OSGEP: variants seen among roughly 807,000 people sequenced by gnomAD.
OSGEP encodes the protein O-sialoglycoprotein endopeptidase, also known as tRNA N6-adenosine threonylcarbamoyltransferase.
Under a neutral mutation model 44.1 loss-of-function variants are expected in OSGEP, and 39 were observed. That is an observed-to-expected ratio of 0.88 (90% CI 0.69 to 1.16). The LOEUF (loss-of-function observed/expected upper bound fraction) is 1.16. Ranked by LOEUF, OSGEP falls within the 50% of genes most tolerant of loss-of-function variation. The pLI, the probability that OSGEP is intolerant of heterozygous loss-of-function variation, is 0.00. For missense variants in OSGEP, 403 were observed against 443.1 expected (o/e 0.91, Z 0.81); for synonymous variants, 139 against 161.9 (o/e 0.86, Z 1.07).
Position 20,452,267 on chromosome 14 carries a change from T to C in OSGEP, c.235+62A>G. 5 of 1,603,614 alleles carry C rather than the reference T, an allele frequency of 3.1e-6. No individual in the cohort carries two copies. In the South Asian group the frequency reaches 4.4e-5, roughly 14 times the overall value. On this transcript the variant is annotated intron_variant, in intron 2 of 10. Coordinates refer to ENST00000206542, the MANE Select transcript of OSGEP (RefSeq NM_017807.4). The stretch of plus-strand genomic sequence containing the variant: ...ATGGTGGCAGAGGTAAGGTGTTGGC[T>C]ATTTTGACCTAGCCAGGTTGCAGGT...
chr14:20,451,284 TTTAG>T (rs1249090385), intron 3 of OSGEP: 17 of 286,246 alleles, frequency 5.9e-5, no homozygotes, highest in Non-Finnish European at 7.4e-5. Context: ...GGTAGTGTCC[TTTAG>T]TTGTTTTTTT....
At chr14:20,454,156 G>C (rs1242837649) in intron 1 of OSGEP, among the ~76,000 whole-genome samples, 1 of 151,316 alleles carries the variant, frequency 6.6e-6, no homozygotes, top group Non-Finnish European at 1.5e-5. Context: ...ACTCATCCTA[G>C]AATATTTCAA....
rs144283848 is a variant in OSGEP, at chr14:20,448,353, C to T, written c.637-182G>A. ...GAATGAGCAGCTTTCATTTAAGATG[C>T]AATCATTACTTTTTGAATACTTGTC... On this transcript the variant is annotated intron_variant, in intron 6 of 10. Coordinates refer to ENST00000206542, the MANE Select transcript of OSGEP (RefSeq NM_017807.4). Among the ~76,000 whole-genome samples, 1,138 of 152,298 alleles carry T rather than the reference C, an allele frequency of 7.5e-3. 11 individuals are homozygous for T. The highest frequency in any genetic ancestry group is 0.026 in the African/African-American group (1,080 of 41,562).
In OSGEP at chr14:20,449,156, GC is replaced by G. The variant is rs762482200; in HGVS notation, c.507+14del. On this transcript the variant is annotated intron_variant, in intron 4 of 10. Transcript: ENST00000206542. Reference sequence around the variant, plus strand: ...TCACCCACATTTTATGTTCTCTGCAGCCCCACTGGCTTACCTTCAGCACTCG... The same window carrying G: ...TCACCCACATTTTATGTTCTCTGCAGCCCACTGGCTTACCTTCAGCACTCG... 2 of 1,580,626 alleles carry G rather than the reference GC, an allele frequency of 1.3e-6. No individual in the cohort carries two copies. Among genetic ancestry groups the G allele is most frequent in the Non-Finnish European group, 1.7e-6 (2 of 1,149,394 alleles).
intron 1 of OSGEP, 23 bp downstream of exon 1, chr14:20,454,544 ACT>A: frequency 6.6e-7 from 1 of 1,509,754 alleles, no homozygotes; most frequent in Non-Finnish European, 9.2e-7. Context: ...TGCGCGGAAA[ACT>A]CTTAAGTCCC....
At chr14:20,448,196 G>C (rs1881008610) in intron 6 of OSGEP, 25 bp from the exon 7 acceptor site, 6 of 1,596,576 alleles carry the variant, frequency 3.8e-6, no homozygotes, top group South Asian at 2.2e-5. Flanking sequence ...AAAAACAAAA[G>C]AATCAACAAA....
chr14:20,449,195 C>T lies in OSGEP; in HGVS notation c.483G>A (p.Leu161=). Residue 161 remains leucine, a synonymous_variant, in exon 4 of 11, where the codon CTG becomes CTA. Transcript: ENST00000206542. ...ETIDIAVGNC[L]DRFARVLKIS... is the part of the protein sequence containing the mutation. ...CCTTCAGCACTCGAGCAAAACGATC[C>T]AGACAATTACCCACTGCAATATCGA... is the stretch of plus-strand genomic sequence containing the variant. The T allele has an allele frequency of 6.2e-7, 1 of 1,612,876 alleles. No individual in the cohort carries two copies. The highest frequency in any genetic ancestry group is 8.5e-7 in the Non-Finnish European group (1 of 1,178,864).
Position 20,447,117 on chromosome 14 carries a change from C to A in OSGEP, c.*123G>T. On this transcript the variant is annotated 3_prime_UTR_variant, in exon 11 of 11. Transcript: ENST00000206542. ...AGTCATCCTGGGGTTCCATAAAGGA[C>A]CCCAAGCCTTGCTTGGAGTCTATAG... 1 of 832,078 alleles carries A rather than the reference C, an allele frequency of 1.2e-6. No homozygotes were observed. The highest frequency in any genetic ancestry group is 2.0e-6 in the Non-Finnish European group (1 of 496,770). 51.5% of individuals were successfully genotyped at this position (832,078 alleles called of 1,614,324 possible).
rs370582130 is a variant in OSGEP at position 20,447,637 on chromosome 14, G to A, written c.847C>T (p.Arg283Trp). 18 of 1,613,868 alleles carry A rather than the reference G, an allele frequency of 1.1e-5. No individual in the cohort carries two copies. The highest frequency in any genetic ancestry group is 1.6e-4 in the Middle Eastern group (1 of 6,082). Reference protein sequence around the residue: ...MATMCQERGARLFATDERFCI... With the variant: ...MATMCQERGAWLFATDERFCI... ...TACCTCTCATCTGTAGCAAAAAGCCGGGCTCCACGTTCCTGGCACATTGTT... is the reference window on the plus strand; with the variant it reads ...TACCTCTCATCTGTAGCAAAAAGCCAGGCTCCACGTTCCTGGCACATTGTT... Residue 283 changes from arginine to tryptophan, a missense_variant, in exon 9 of 11, where the codon CGG (arginine) becomes TGG (tryptophan). Coordinates refer to ENST00000206542, the MANE Select transcript of OSGEP (RefSeq NM_017807.4).
Position 20,448,809 on chromosome 14 carries a change from C to A in OSGEP, c.560G>T (p.Gly187Val), listed in dbSNP as rs1417690595. The A allele has an allele frequency of 6.2e-7, 1 of 1,611,858 alleles. No individual in the cohort carries two copies. The highest frequency in any genetic ancestry group is 1.3e-5 in the African/African-American group (1 of 75,000). ...GTATGGCAGCTCAACTAGCTTCTTG[C>A]CTCTATGTGGGAATAAGCGTACGAG... is the stretch of plus-strand genomic sequence containing the variant. ...GYNIEQMAKRGKKLVELPYTV... is the reference protein window; with the variant it reads ...GYNIEQMAKRVKKLVELPYTV... Residue 187 changes from glycine (G) to valine (V), a missense_variant and splice_region_variant, in exon 6 of 11, where the codon GGC becomes GTC. Transcript: ENST00000206542.
At chr14:20,448,019 A>C (rs750027004) in intron 7 of OSGEP, 25 bp from the exon 8 acceptor site, 5 of 1,598,488 alleles carry the variant, frequency 3.1e-6, no homozygotes, top group Non-Finnish European at 4.3e-6. Context: ...TAAGGAGAAA[A>C]TATTAGAGGG....
At chr14:20,454,012 C>CT (rs1001209361) in intron 1 of OSGEP, among the ~76,000 whole-genome samples, 2 of 151,948 alleles carry the variant, frequency 1.3e-5, no homozygotes, top group African/African-American at 4.8e-5. Context: ...GAGCAAGACT[C>CT]TGTCTCAAAA....
rs5807036 is a variant in OSGEP at position 20,446,943 on chromosome 14, TAAA to T, written c.*294_*296del. On this transcript the variant is annotated 3_prime_UTR_variant, in exon 11 of 11. Transcript: ENST00000206542. ...GGAAACACAGCAAGATTCCGTTTCT[TAAA>T]AAAAAAAAAAAAGATACCTCATTCT... 3.6e-3 allele frequency: 1,067 copies of T among 292,524 alleles called. No homozygotes were observed. The highest frequency in any genetic ancestry group is 4.5e-3 in the South Asian group (51 of 11,310). 18.1% of individuals were successfully genotyped at this position (292,524 alleles called of 1,614,324 possible).
chr14:20,447,271 G>C lies in OSGEP; in HGVS notation c.977C>G (p.Thr326Arg). The change falls in exon 11 of 11, where the codon ACA (threonine) becomes AGA (arginine). Residue 326 changes from threonine to arginine, a missense_variant. Physicochemically the swap from Thr to Arg is moderately conservative, Grantham distance 71. Transcript: ENST00000206542. ...SDSGVTQRYR[T>R]DEVEVTWRD is the part of the protein sequence containing the mutation. ...CCTCCAGGTCACCTCTACTTCATCT[G>C]TCCGATACCTGTGGAAAAACAGAAG... 1 of 1,614,088 alleles carries C rather than the reference G, an allele frequency of 6.2e-7. No homozygotes were observed.
At chr14:20,449,751 C>T (rs752226151) in intron 3 of OSGEP, 2 of 159,696 alleles carry the variant, frequency 1.3e-5, no homozygotes, top group Non-Finnish European at 2.8e-5. Context: ...AAGGATCCTC[C>T]CACCTCAGCT....
intron 10 of OSGEP, 63 bp from the exon 11 acceptor site, chr14:20,447,342 C>T: frequency 6.2e-7 from 1 of 1,602,814 alleles, no homozygotes; most frequent in Non-Finnish European, 8.5e-7. Context: ...TTCTTCTCTG[C>T]CCTCATGTTC....
chr14:20,452,305 C>T (rs202017477), intron 2 of OSGEP, 24 bp downstream of exon 2: 2 of 1,612,378 alleles, frequency 1.2e-6, no homozygotes, highest in East Asian at 2.2e-5. Flanking sequence ...ATTCCTCCAT[C>T]GTTGACCACT....
chr14:20,448,278 A>T (rs1277964648), intron 6 of OSGEP, 107 bp from the exon 7 acceptor site: 2 of 872,056 alleles, frequency 2.3e-6, no homozygotes, highest in Non-Finnish European at 4.0e-6. Context: ...CCACAATTCA[A>T]GTTACCAGCA....
At position 20,448,159 on chromosome 14, in the gene OSGEP, G is replaced by A. The variant is rs755761410; in HGVS notation, c.649C>T (p.Arg217Trp). Residue 217 changes from arginine to tryptophan, a missense_variant, in exon 7 of 11, where the codon CGG (arginine) becomes TGG (tryptophan). By Grantham distance (101) the Arg-to-Trp change is moderately radical. Coordinates refer to ENST00000206542, the MANE Select transcript of OSGEP (RefSeq NM_017807.4). ...GTACACTCGCCTGTGGCCAGCATCC[G>A]ATGGGCTACATCCTACAATTAAAGG... ...ILSFIEDVAH[R>W]MLATGECTPE... 96 of 1,612,664 alleles carry A rather than the reference G, an allele frequency of 6.0e-5. 1 individual carries two copies. The South Asian group carries it at 6.2e-4, about 10-fold the overall frequency.
Sources: allele counts gnomAD v4.1 joint callset (sites outside exome capture counted in the v4.1 genomes callset), GRCh38; gene constraint gnomAD v4.1.1; transcripts MANE v1.5; gene names NCBI Gene and HGNC (gene_info 2026-07-23, HGNC 2026-07-21).